BMPR2: variants seen among roughly 807,000 people sequenced by gnomAD.
The protein encoded by BMPR2 is bone morphogenetic protein receptor type 2, also known as bone morphogenetic protein receptor type-2.
In BMPR2, 29 loss-of-function variants were observed where a neutral mutation model predicts 100.8. The observed-to-expected ratio is 0.29, with a 90% CI of 0.21 to 0.39. The LOEUF (loss-of-function observed/expected upper bound fraction) is 0.39. Among genes scored for constraint, BMPR2 ranks in the 10% least tolerant of loss-of-function variants. The pLI, the probability that BMPR2 is intolerant of heterozygous loss-of-function variation, is 1.00. For synonymous variants in BMPR2, 382 were observed against 442.3 expected (o/e 0.86, Z 1.71); for missense variants, 1,011 against 1,274.5 (o/e 0.79, Z 3.15).
intron 8 of BMPR2, 75 bp downstream of exon 8, chr2:202,531,029 G>A (rs1688014779): frequency 6.4e-7 from 1 of 1,567,974 alleles, no homozygotes; most frequent in Admixed American, 1.7e-5. Context: ...CTGGCCAGGT[G>A]TGGTGGCTCA....
chr2:202,530,959 G>GT lies in BMPR2; in HGVS notation c.1128+6dup, dbSNP rs756163283. 28 of 1,613,938 alleles carry GT rather than the reference G, an allele frequency of 1.7e-5. 2 individuals carry two copies. Among genetic ancestry groups the GT allele is most frequent in the African/African-American group, 6.7e-5 (5 of 75,024 alleles). ...GATAATGCAGCCATAAGCGAGGTGAGTGTATACAAAAGGTATCACACTGAT... is the reference window on the plus strand; with the variant it reads ...GATAATGCAGCCATAAGCGAGGTGAGTTGTATACAAAAGGTATCACACTGAT... On this transcript the variant is annotated splice_donor_region_variant and intron_variant, in intron 8 of 12. Transcript: ENST00000374580.
chr2:202,486,985 A>T (rs761077954), intron 3 of BMPR2, among the ~76,000 whole-genome samples: 6 of 152,194 alleles, frequency 3.9e-5, no homozygotes, highest in Admixed American at 3.3e-4. Flanking sequence ...TGAGCTGTGT[A>T]TTCTCATGGG....
intron 10 of BMPR2, 69 bp from the exon 11 acceptor site, chr2:202,552,647 G>A (rs1688500538): frequency 1.3e-6 from 2 of 1,548,418 alleles, no homozygotes; most frequent in South Asian, 2.3e-5. Context: ...ACCTCATGTG[G>A]TAAACTGAAA....
intron 3 of BMPR2, among the ~76,000 whole-genome samples, chr2:202,496,963 A>C (rs535671028): frequency 2.6e-5 from 4 of 152,330 alleles, no homozygotes; most frequent in South Asian, 4.1e-4. Flanking sequence ...GGCCAGCTGG[A>C]GTTCCGGGTG....
rs1191486486 is a variant in BMPR2, at chr2:202,532,685, G to T, written c.1229G>T (p.Gly410Val). The T allele has an allele frequency of 1.2e-6, 2 of 1,613,762 alleles. No individual in the cohort carries two copies. The highest frequency in any genetic ancestry group is 1.7e-6 in the Non-Finnish European group (2 of 1,179,932). ...ALKQVDMYAL[G>V]LIYWEIFMRC... ...AAACAAGTAGACATGTATGCTCTTG[G>T]ACTAATCTATTGGGAGATATTTATG... Residue 410 changes from glycine (G) to valine (V), a missense_variant, in exon 9 of 13, where the codon GGA becomes GTA. Gly to Val is a moderately radical substitution (Grantham distance 109). Coordinates refer to ENST00000374580, the MANE Select transcript of BMPR2 (RefSeq NM_001204.7). The surrounding 1 kb of genome is among the most constrained non-coding windows in gnomAD (Gnocchi z 4.1).
Position 202,556,164 on chromosome 2 carries a change from C to T in BMPR2, c.2499C>T (p.Gly833=), listed in dbSNP as rs1373386830. ...ATGCCAATGGGACAGTACTATCTGGCCAAACAACCAACATAGTGACACATA... is the reference window on the plus strand; with the variant it reads ...ATGCCAATGGGACAGTACTATCTGGTCAAACAACCAACATAGTGACACATA... The part of the protein sequence containing the change: ...TQYANGTVLS[G]QTTNIVTHRA... The change falls in exon 12 of 13, where the codon GGC becomes GGT. Residue 833 remains glycine (G), a synonymous_variant. Coordinates refer to ENST00000374580, the MANE Select transcript of BMPR2 (RefSeq NM_001204.7). The T allele has an allele frequency of 6.2e-7, 1 of 1,611,762 alleles. No individual in the cohort carries two copies. The highest frequency in any genetic ancestry group is 8.5e-7 in the Non-Finnish European group (1 of 1,178,164).
intron 7 of BMPR2, among the ~76,000 whole-genome samples, chr2:202,530,016 G>A (rs964072031): frequency 2.1e-4 from 32 of 152,010 alleles, no homozygotes; most frequent in Admixed American, 1.8e-3. Context: ...ACTTATATTT[G>A]GTGAGAGGCT....
chr2:202,391,921 C>A (rs1244096751), intron 1 of BMPR2, among the ~76,000 whole-genome samples: 1 of 151,358 alleles, frequency 6.6e-6, no homozygotes, highest in Admixed American at 6.6e-5. Context: ...GCCACCACGC[C>A]CAGCTAATTT....
In BMPR2 at chr2:202,561,788, T is replaced by C. The variant is rs892243719; in HGVS notation, c.*1842T>C. On this transcript the variant is annotated 3_prime_UTR_variant, in exon 13 of 13. Transcript: ENST00000374580. Reference sequence around the variant, plus strand: ...TTGTGATTTACTTGTATATAAGCCTTCTCATTTGCCATGTGCTGTGATCTT... The same window carrying C: ...TTGTGATTTACTTGTATATAAGCCTCCTCATTTGCCATGTGCTGTGATCTT... 34 of 152,282 alleles carry C rather than the reference T, an allele frequency of 2.2e-4. No homozygotes were observed. Among genetic ancestry groups the C allele is most frequent in the Admixed American group, 1.3e-3 (20 of 15,304 alleles). 9.4% of individuals were successfully genotyped at this position (152,282 alleles called of 1,614,324 possible). A position where few individuals can be genotyped will look rare whatever the true frequency, so the allele number is the denominator to read the frequency against.
chr2:202,476,524 C>T (rs2105969782), intron 3 of BMPR2, among the ~76,000 whole-genome samples: 1 of 152,268 alleles, frequency 6.6e-6, no homozygotes, highest in East Asian at 1.9e-4. Context: ...TGCGGTGGCT[C>T]ATGCCTGTAA....
chr2:202,386,465 A>G (rs1437526525), intron 1 of BMPR2, among the ~76,000 whole-genome samples: 1 of 151,924 alleles, frequency 6.6e-6, no homozygotes, highest in Non-Finnish European at 1.5e-5. Context: ...TTTTTTTCAC[A>G]TTCTTATCCA....
chr2:202,480,665 A>G (rs1692639448), intron 3 of BMPR2, among the ~76,000 whole-genome samples: 2 of 151,918 alleles, frequency 1.3e-5, no homozygotes, highest in Non-Finnish European at 2.9e-5. Context: ...TCAAAAATCA[A>G]TTGACAGGCC....
chr2:202,432,656 CTG>C (rs1177454815), intron 1 of BMPR2, among the ~76,000 whole-genome samples: 1 of 150,224 alleles, frequency 6.7e-6, no homozygotes, highest in Admixed American at 6.6e-5. Flanking sequence ...TTTGTGTTGA[CTG>C]TTTATTTTGT....
At position 202,474,366 on chromosome 2, in the gene BMPR2, T is replaced by A. The variant is rs1692495521; in HGVS notation, c.418+6677T>A. Among the ~76,000 whole-genome samples, 6 of 149,318 alleles carry A rather than the reference T, an allele frequency of 4.0e-5. No individual in the cohort carries two copies. The South Asian group carries it at 1.3e-3, about 32-fold the overall frequency. On this transcript the variant is annotated intron_variant, in intron 3 of 12. Transcript: ENST00000374580. The stretch of plus-strand genomic sequence containing the variant: ...AGCTACTCAGGAGGCTGAGGCAGAA[T>A]AATCTCTTGAACCTGGGAAGTGAAG...
intron 1 of BMPR2, among the ~76,000 whole-genome samples, chr2:202,445,057 G>A (rs1338454802): frequency 6.7e-6 from 1 of 150,330 alleles, no homozygotes. Flanking sequence ...CAAAGTGCTC[G>A]GATTACGGGT....
intron 1 of BMPR2, among the ~76,000 whole-genome samples, chr2:202,428,056 C>A (rs966923458): frequency 6.6e-6 from 1 of 152,150 alleles, no homozygotes; most frequent in African/African-American, 2.4e-5. Context: ...TATTACAGTT[C>A]CGCATTCAGT....
In BMPR2 at chr2:202,562,463, G is replaced by A. The variant is rs1397073484; in HGVS notation, c.*2517G>A. 6.6e-6 allele frequency: 1 copy of A among 152,478 alleles called. No individual in the cohort carries two copies. The highest frequency in any genetic ancestry group is 1.5e-5 in the Non-Finnish European group (1 of 68,008). 9.4% of individuals were successfully genotyped at this position (152,478 alleles called of 1,614,324 possible). A position where few individuals can be genotyped will look rare whatever the true frequency, so the allele number is the denominator to read the frequency against. On this transcript the variant is annotated 3_prime_UTR_variant, in exon 13 of 13. Transcript: ENST00000374580. ...ATATCATTTTTATAAATTTTAAATT[G>A]TACATCAGACTTTTAAAATCTGTAA... is the stretch of plus-strand genomic sequence containing the variant.
chr2:202,417,932 G>A (rs548471816), intron 1 of BMPR2, among the ~76,000 whole-genome samples: 4 of 151,844 alleles, frequency 2.6e-5, no homozygotes, highest in African/African-American at 4.8e-5. Flanking sequence ...GTTAGCCAGG[G>A]TGGTCTTGAT....
chr2:202,535,656 A>AG (rs915453645), intron 9 of BMPR2, among the ~76,000 whole-genome samples: 1 of 151,966 alleles, frequency 6.6e-6, no homozygotes, highest in African/African-American at 2.4e-5. Context: ...GGCCAGGCAG[A>AG]GACGCTCCTC....
Sources: allele counts gnomAD v4.1 joint callset (sites outside exome capture counted in the v4.1 genomes callset), GRCh38; gene constraint gnomAD v4.1.1; non-coding constraint Gnocchi (gnomAD v3.1); transcripts MANE v1.5; gene names NCBI Gene and HGNC (gene_info 2026-07-23, HGNC 2026-07-21).